PRKG1: variants seen among roughly 807,000 people sequenced by gnomAD.
PRKG1 encodes cGMP-dependent protein kinase 1.
In PRKG1, 35 loss-of-function variants were observed where a neutral mutation model predicts 88.1. The ratio of observed to expected loss-of-function variants is 0.40; its 90% CI spans 0.30 to 0.53. The LOEUF is 0.53. PRKG1 is among the 20% of genes least tolerant of loss of function. PRKG1 has a pLI of 0.59. For missense variants in PRKG1, 540 were observed against 839.8 expected (o/e 0.64, Z 4.41); for synonymous variants, 303 against 292.5 (o/e 1.04, Z -0.37).
chr10:51,002,084 A>T (rs1024935820), intron 1 of PRKG1, among the ~76,000 whole-genome samples: 8 of 151,930 alleles, frequency 5.3e-5, no homozygotes, highest in African/African-American at 1.9e-4. Context: ...TTGAACATTG[A>T]CTCTGGGAAA....
At chr10:51,885,541 C>T (rs1254271037) in intron 4 of PRKG1, among the ~76,000 whole-genome samples, 1 of 152,210 alleles carries the variant, frequency 6.6e-6, no homozygotes, top group Non-Finnish European at 1.5e-5. Context: ...TCTCATGGCT[C>T]TTTACCGTTA....
chr10:51,326,557 A>G (rs1841598015), intron 2 of PRKG1, among the ~76,000 whole-genome samples: 1 of 152,256 alleles, frequency 6.6e-6, no homozygotes, highest in South Asian at 2.1e-4. Context: ...ACTCCAGAGA[A>G]TATACAAGAT....
At chr10:51,348,057 C>T (rs2132558726) in intron 2 of PRKG1, among the ~76,000 whole-genome samples, 1 of 151,888 alleles carries the variant, frequency 6.6e-6, no homozygotes, top group East Asian at 1.9e-4. Flanking sequence ...AGCGAGACTC[C>T]ATCTCAAAAA....
chr10:51,099,601 G>C (rs956307186), intron 1 of PRKG1, among the ~76,000 whole-genome samples: 1 of 152,168 alleles, frequency 6.6e-6, no homozygotes, highest in Non-Finnish European at 1.5e-5. Flanking sequence ...ATGTAGTAGA[G>C]ATAGATGACC....
At chr10:51,854,434 C>T (rs1840630797) in intron 4 of PRKG1, among the ~76,000 whole-genome samples, 1 of 151,940 alleles carries the variant, frequency 6.6e-6, no homozygotes, top group African/African-American at 2.4e-5. Context: ...ATAATGTCAC[C>T]CTGGAGAATT....
intron 2 of PRKG1, among the ~76,000 whole-genome samples, chr10:51,177,149 A>G (rs1837216511): frequency 1.3e-5 from 2 of 152,180 alleles, no homozygotes; most frequent in South Asian, 4.1e-4. Flanking sequence ...TCCATGATTA[A>G]TGTGTTGAAC....
chr10:51,644,066 T>C (rs1230737861), intron 3 of PRKG1, among the ~76,000 whole-genome samples: 5 of 152,336 alleles, frequency 3.3e-5, no homozygotes, highest in African/African-American at 7.2e-5. Context: ...ATGAGTTCCC[T>C]GTTACTCTCA....
intron 3 of PRKG1, among the ~76,000 whole-genome samples, chr10:51,702,204 A>G (rs555615504): frequency 1.1e-4 from 16 of 152,328 alleles, no homozygotes; most frequent in African/African-American, 3.6e-4. Context: ...AGAAGGGGGA[A>G]GTTATGACTG....
At chr10:51,896,637 CT>C (rs1841853479) in intron 4 of PRKG1, among the ~76,000 whole-genome samples, 1 of 128,308 alleles carries the variant, frequency 7.8e-6, no homozygotes, top group Admixed American at 8.3e-5. Flanking sequence ...GAGCGAGACC[CT>C]GTCTCTTAAA....
intron 3 of PRKG1, among the ~76,000 whole-genome samples, chr10:51,660,582 C>T (rs1201724983): frequency 6.6e-6 from 1 of 152,128 alleles, no homozygotes; most frequent in Non-Finnish European, 1.5e-5. Flanking sequence ...CCTTCTCATA[C>T]TCATTTCCCT....
At chr10:51,771,542 T>C (rs1233347480) in intron 3 of PRKG1, among the ~76,000 whole-genome samples, 1 of 152,194 alleles carries the variant, frequency 6.6e-6, no homozygotes, top group African/African-American at 2.4e-5. Context: ...TGTTTTTCCC[T>C]TTTGAGTGTC....
At chr10:51,374,294 C>T (rs2132615709) in intron 2 of PRKG1, among the ~76,000 whole-genome samples, 1 of 148,788 alleles carries the variant, frequency 6.7e-6, no homozygotes, top group South Asian at 2.2e-4. Context: ...CTCCCTGTGC[C>T]CATGTGTTCT....
chr10:51,220,145 A>G (rs1362924246), intron 2 of PRKG1, among the ~76,000 whole-genome samples: 1 of 152,162 alleles, frequency 6.6e-6, no homozygotes, highest in East Asian at 1.9e-4. Context: ...TACAAGAAGA[A>G]ATATAAACAA....
chr10:51,894,162 G>A (rs139022067), intron 4 of PRKG1, among the ~76,000 whole-genome samples: 2 of 152,284 alleles, frequency 1.3e-5, no homozygotes, highest in African/African-American at 2.4e-5. Context: ...ATAGGTTTGT[G>A]TGTTTTAGTG....
chr10:52,271,747 C>CT (rs1322260652), intron 11 of PRKG1, among the ~76,000 whole-genome samples: 5 of 152,000 alleles, frequency 3.3e-5, no homozygotes, highest in East Asian at 1.9e-4. Flanking sequence ...CCATTTTTAT[C>CT]TTTTTTTAAA....
At chr10:51,205,081 A>G (rs923515160) in intron 2 of PRKG1, among the ~76,000 whole-genome samples, 3 of 130,872 alleles carry the variant, frequency 2.3e-5, no homozygotes, top group African/African-American at 8.5e-5. Context: ...TATCCCCTCT[A>G]TTAAACCTTT....
upstream of PRKG1, among the ~76,000 whole-genome samples, chr10:51,074,121 G>T (rs1843882842): frequency 1.8e-5 from 1 of 54,932 alleles, no homozygotes; most frequent in East Asian, 4.5e-4. Context: ...CTCCCGCCTC[G>T]CTCCACCCGC....
rs546851993 is a variant in PRKG1, at chr10:51,943,870, G to A, written c.762+36300G>A. Among the ~76,000 whole-genome samples, 396 of 152,018 alleles carry A rather than the reference G, an allele frequency of 2.6e-3. 4 individuals are homozygous for A. Among genetic ancestry groups the A allele is most frequent in the Admixed American group, 2.8e-3 (43 of 15,290 alleles). ...ATTCTGTTTGCCAGTATTTTATTGA[G>A]GATTTTTGCCTCAATGTTCATCAAG... On this transcript the variant is annotated intron_variant, in intron 5 of 17. Coordinates refer to ENST00000373980, the MANE Select transcript of PRKG1 (RefSeq NM_006258.4).
intron 12 of PRKG1, among the ~76,000 whole-genome samples, chr10:52,277,382 T>C (rs1340337629): frequency 1.3e-5 from 2 of 152,198 alleles, no homozygotes; most frequent in African/African-American, 4.8e-5. Context: ...CCCTATTCTA[T>C]ACTATGTTAG....
Sources: allele counts gnomAD v4.1 joint callset (sites outside exome capture counted in the v4.1 genomes callset), GRCh38; gene constraint gnomAD v4.1.1; transcripts MANE v1.5; gene names NCBI Gene and HGNC (gene_info 2026-07-23, HGNC 2026-07-21).